Variants in SLC9A7 observed in about 807,000 individuals in gnomAD.
The protein encoded by SLC9A7 is sodium/hydrogen exchanger 7.
Under a neutral mutation model 52.6 loss-of-function variants are expected in SLC9A7, and 19 were observed. The observed-to-expected ratio is 0.36, with a 90% confidence interval of 0.25 to 0.53. The LOEUF is 0.53. SLC9A7 is among the 20% of genes least tolerant of loss of function. The probability of loss-of-function intolerance (pLI) is 0.91; values close to 1 mark genes in which losing one functional copy is unlikely to be tolerated. For synonymous variants in SLC9A7, 226 were observed against 252.1 expected (o/e 0.90, Z 0.98); for missense variants, 455 against 597.9 (o/e 0.76, Z 2.49).
chrX:46,651,000 T>C, intron 10 of SLC9A7, 110 bp downstream of exon 10: 1 of 246,820 alleles, frequency 4.1e-6, no homozygotes, highest in Non-Finnish European at 6.9e-6. Context: ...TGATGGTTTA[T>C]ATTATTATAT....
chrX:46,704,941 C>A (rs950274287), intron 1 of SLC9A7, among the ~76,000 whole-genome samples: 1 of 111,882 alleles, frequency 8.9e-6, no homozygotes, highest in Non-Finnish European at 1.9e-5. Flanking sequence ...CATAAAAAGG[C>A]GACATAGCAG....
At chrX:46,648,086 T>C (rs1265851958) in intron 11 of SLC9A7, among the ~76,000 whole-genome samples, 1 of 112,448 alleles carries the variant, frequency 8.9e-6, no homozygotes, top group East Asian at 2.8e-4. Context: ...TTCTCCAGAC[T>C]TCTCAGCTTT....
At chrX:46,712,370 G>A (rs1944704322) in intron 1 of SLC9A7, among the ~76,000 whole-genome samples, 1 of 110,753 alleles carries the variant, frequency 9.0e-6, no homozygotes, top group Non-Finnish European at 1.9e-5. Flanking sequence ...ATGAAGAGAG[G>A]GAGCAAGTGA....
At chrX:46,740,712 C>T (rs896588671) in intron 1 of SLC9A7, among the ~76,000 whole-genome samples, 10 of 111,047 alleles carry the variant, frequency 9.0e-5, no homozygotes, top group African/African-American at 3.3e-4. Context: ...AAAAACTTTG[C>T]TTTCCCCAAA....
intron 13 of SLC9A7, among the ~76,000 whole-genome samples, chrX:46,634,638 T>A (rs1228911509): frequency 8.9e-6 from 1 of 112,146 alleles, no homozygotes; most frequent in Non-Finnish European, 1.9e-5. Context: ...AAGGGTTTCC[T>A]CTGCAATTTA....
chrX:46,735,870 T>C (rs1316055154), intron 1 of SLC9A7, among the ~76,000 whole-genome samples: 1 of 111,246 alleles, frequency 9.0e-6, no homozygotes, highest in African/African-American at 3.3e-5. Flanking sequence ...CCTCTGTATA[T>C]AGCACTTCCT....
intron 2 of SLC9A7, among the ~76,000 whole-genome samples, chrX:46,680,995 C>A (rs753405622): frequency 3.1e-4 from 35 of 112,061 alleles, no homozygotes; most frequent in African/African-American, 1.1e-3. Context: ...TTGCTGGATG[C>A]CACCAAACCC....
At chrX:46,688,718 C>A (rs1407591623) in intron 1 of SLC9A7, among the ~76,000 whole-genome samples, 5 of 110,264 alleles carry the variant, frequency 4.5e-5, no homozygotes, top group Non-Finnish European at 9.5e-5. Flanking sequence ...TTTTAATGTG[C>A]ATTTCCCTAA....
At chrX:46,615,141 C>T (rs1408403505) in intron 15 of SLC9A7, among the ~76,000 whole-genome samples, 1 of 112,067 alleles carries the variant, frequency 8.9e-6, no homozygotes, top group Non-Finnish European at 1.9e-5. Context: ...CTCCCAGATT[C>T]AAGCAATTCT....
chrX:46,688,939 T>C (rs961771604), intron 1 of SLC9A7, among the ~76,000 whole-genome samples: 1 of 111,794 alleles, frequency 8.9e-6, no homozygotes, highest in Admixed American at 9.5e-5. Context: ...CTATGACCTA[T>C]ATTTTTCCTT....
chrX:46,670,147 C>A lies in SLC9A7; in HGVS notation c.681-428G>T, dbSNP rs114735932. Among the ~76,000 whole-genome samples, 943 of 111,400 alleles carry A rather than the reference C, an allele frequency of 8.5e-3. 11 individuals are homozygous for A. Among genetic ancestry groups the A allele is most frequent in the South Asian group, 0.04 (106 of 2,645 alleles). On this transcript the variant is annotated intron_variant, in intron 4 of 16. Coordinates refer to ENST00000616978, the MANE Select transcript of SLC9A7 (RefSeq NM_001257291.2). ...GTCAGAGAAATCAGTAGACTGGATG[C>A]AACTAGAGAGAAAAAAATGGGTTGG... is the stretch of plus-strand genomic sequence containing the variant.
At chrX:46,714,070 A>G (rs1944732231) in intron 1 of SLC9A7, among the ~76,000 whole-genome samples, 1 of 111,291 alleles carries the variant, frequency 9.0e-6, no homozygotes, top group Admixed American at 9.6e-5. Flanking sequence ...TAGTATGCTA[A>G]TAGTTTCAAA....
In SLC9A7 at chrX:46,606,137, A is replaced by G; in HGVS notation, c.*815T>C. ...GCCACTGCACTCCAGCCTGGGTGAC[A>G]GAGTGAAACACCATCTCAACAAAAA... is the stretch of plus-strand genomic sequence containing the variant. On this transcript the variant is annotated 3_prime_UTR_variant, in exon 17 of 17. Transcript: ENST00000616978. The G allele has an allele frequency of 2.0e-6, 1 of 488,434 alleles. No individual in the cohort carries two copies. Among genetic ancestry groups the G allele is most frequent in the East Asian group, 1.8e-4 (1 of 5,491 alleles). 40.3% of individuals were successfully genotyped at this position (488,434 alleles called of 1,213,427 possible).
At chrX:46,735,854 C>T (rs1725396244) in intron 1 of SLC9A7, among the ~76,000 whole-genome samples, 1 of 111,469 alleles carries the variant, frequency 9.0e-6, no homozygotes, top group Admixed American at 9.6e-5. Flanking sequence ...TATTTCTTAT[C>T]CTTTTCCTCT....
chrX:46,624,233 A>AC (rs34909321), intron 14 of SLC9A7, among the ~76,000 whole-genome samples: 5 of 109,455 alleles, frequency 4.6e-5, no homozygotes, highest in Non-Finnish European at 9.5e-5. Context: ...GGGGTTGGGA[A>AC]CCCCCCCCTA....
At chrX:46,647,015 T>C (rs183762351) in intron 11 of SLC9A7, 3 of 336,393 alleles carry the variant, frequency 8.9e-6, no homozygotes, top group East Asian at 7.6e-5. Context: ...ATCTTTACCA[T>C]GCTTGGCAGC....
chrX:46,668,117 C>T (rs1232282211), intron 5 of SLC9A7, among the ~76,000 whole-genome samples: 1 of 112,172 alleles, frequency 8.9e-6, no homozygotes, highest in Admixed American at 9.5e-5. Flanking sequence ...AACCCAAATG[C>T]TATGTTACAT....
At chrX:46,613,541 A>G in intron 15 of SLC9A7, 147 bp from the exon 16 acceptor site, 1 of 402,437 alleles carries the variant, frequency 2.5e-6, no homozygotes. Context: ...GTAACATGCA[A>G]CAGTTTGAAT....
At chrX:46,665,189 G>C (rs1943896948) in intron 5 of SLC9A7, among the ~76,000 whole-genome samples, 1 of 110,896 alleles carries the variant, frequency 9.0e-6, no homozygotes, top group African/African-American at 3.3e-5. Context: ...ATCAGGGTGA[G>C]CAGGGTCACA....
Sources: gnomAD v4.1 joint callset for allele counts (sites outside exome capture counted in the v4.1 genomes callset) on GRCh38, gnomAD v4.1.1 for gene constraint, MANE v1.5 for transcripts, NCBI Gene and HGNC (gene_info 2026-07-23, HGNC 2026-07-21) for gene names.